Variants in RGS22 observed in about 807,000 individuals in gnomAD.
RGS22 encodes the protein regulator of G-protein signaling 22.
Under a neutral mutation model 172.9 loss-of-function variants are expected in RGS22, and 148 were observed. The ratio of observed to expected loss-of-function variants is 0.86; its 90% CI spans 0.75 to 0.98. The LOEUF (loss-of-function observed/expected upper bound fraction) is 0.98. Among genes scored for constraint, RGS22 ranks in the 50% least tolerant of loss-of-function variants. RGS22 has a pLI of 0.00. For missense variants in RGS22, 1,347 were observed against 1,440.8 expected, an observed-to-expected ratio of 0.93 and a Z score of 1.05; for synonymous variants, 458 against 480.2, an observed-to-expected ratio of 0.95 and a Z score of 0.60.
intron 3 of RGS22, among the ~76,000 whole-genome samples, chr8:100,084,107 G>T (rs1028427466): frequency 1.3e-5 from 2 of 152,160 alleles, no homozygotes; most frequent in Admixed American, 6.5e-5. Flanking sequence ...AAAGTGCTGG[G>T]ATTACAGGCG....
chr8:99,980,930 A>C (rs1312633284), intron 22 of RGS22, among the ~76,000 whole-genome samples: 2 of 152,152 alleles, frequency 1.3e-5, no homozygotes, highest in African/African-American at 2.4e-5. Context: ...GTCCTCAATC[A>C]TTCCTCTATA....
intron 20 of RGS22, among the ~76,000 whole-genome samples, chr8:99,987,982 A>C (rs1205462191): frequency 1.3e-5 from 2 of 151,412 alleles, no homozygotes; most frequent in Non-Finnish European, 2.9e-5. Context: ...TACATTATTT[A>C]TTTTATTATT....
At position 100,041,825 on chromosome 8, in the gene RGS22, A is replaced by G; in HGVS notation, c.1915T>C (p.Tyr639His). 6.2e-7 allele frequency: 1 copy of G among 1,610,248 alleles called. No homozygotes were observed. The stretch of plus-strand genomic sequence containing the variant: ...ACCCTAGGTTCTTCTGTATAAGCGT[A>G]TCTTCTATCCAGCTGGGGCTTGAGA... ...ECLKPQLDRR[Y>H]AYTEEPRVKT... is the part of the protein sequence containing the mutation. The change falls in exon 12 of 28, where the codon TAC becomes CAC. Residue 639 changes from tyrosine (Y) to histidine (H), a missense_variant. By Grantham distance (83) the Tyr-to-His change is moderately conservative. Coordinates refer to ENST00000360863, the MANE Select transcript of RGS22 (RefSeq NM_015668.5).
intron 2 of RGS22, among the ~76,000 whole-genome samples, chr8:100,104,795 A>T (rs1813792573): frequency 1.3e-5 from 2 of 152,236 alleles, no homozygotes; most frequent in East Asian, 3.8e-4. Context: ...AGGCTCTGAC[A>T]GCTCCTATTT....
chr8:100,003,588 T>C (rs1464876541), intron 17 of RGS22, among the ~76,000 whole-genome samples: 1 of 151,892 alleles, frequency 6.6e-6, no homozygotes, highest in Non-Finnish European at 1.5e-5. Context: ...AAAGGACACA[T>C]TCCAGAAACA....
At position 100,018,434 on chromosome 8, in the gene RGS22, ACAC is replaced by A. The variant is rs1817248147; in HGVS notation, c.2167-9868_2167-9866del. On this transcript the variant is annotated intron_variant, in intron 14 of 27. Transcript: ENST00000360863. ...AAAAAATTAGAATAAATGAAGACAC[ACAC>A]ACACACACACAAAAGAGGGTAGGGG... is the stretch of plus-strand genomic sequence containing the variant. Among the ~76,000 whole-genome samples the A allele has an allele frequency of 2.0e-4, 5 of 24,904 alleles. No homozygotes were observed. In the Admixed American group the frequency reaches 2.6e-3, roughly 13 times the overall value. The allele number at this position is 24,904 out of a possible 152,430, so 16.3% of individuals were successfully genotyped here.
chr8:100,088,878 TAGTC>T (rs1160007777), intron 3 of RGS22, among the ~76,000 whole-genome samples: 3 of 149,870 alleles, frequency 2.0e-5, no homozygotes, highest in African/African-American at 7.4e-5. Context: ...AAGGGCCCTA[TAGTC>T]TATATCTACA....
chr8:100,076,458 T>G (rs1479291746), intron 4 of RGS22, among the ~76,000 whole-genome samples: 1 of 152,230 alleles, frequency 6.6e-6, no homozygotes, highest in Non-Finnish European at 1.5e-5. Flanking sequence ...TTGGCATCAG[T>G]GTAATGCTCA....
intron 14 of RGS22, among the ~76,000 whole-genome samples, chr8:100,019,018 C>T (rs1020695441): frequency 6.6e-6 from 1 of 151,236 alleles, no homozygotes; most frequent in Non-Finnish European, 1.5e-5. Context: ...ATGTTTTCCA[C>T]AACTGTCTGT....
chr8:100,037,213 G>C (rs1367882032), intron 14 of RGS22, among the ~76,000 whole-genome samples: 1 of 152,132 alleles, frequency 6.6e-6, no homozygotes, highest in Non-Finnish European at 1.5e-5. Context: ...AGGATCACTT[G>C]AGCCCAGGAG....
Position 100,038,928 on chromosome 8 carries a change from T to G in RGS22, c.2166+3A>C, listed in dbSNP as rs1819798485. ...CATTGAACCAATATTATTTACTACG[T>G]ACTTGCGCTTGCTTGCATACTTTAA... is the stretch of plus-strand genomic sequence containing the variant. On this transcript the variant is annotated splice_donor_region_variant and intron_variant, in intron 14 of 27. Coordinates refer to ENST00000360863, the MANE Select transcript of RGS22 (RefSeq NM_015668.5). 1 of 1,592,724 alleles carries G rather than the reference T, an allele frequency of 6.3e-7. No homozygotes were observed. The highest frequency in any genetic ancestry group is 8.6e-7 in the Non-Finnish European group (1 of 1,162,278).
chr8:99,995,479 A>G (rs1284281590), intron 20 of RGS22, among the ~76,000 whole-genome samples: 1 of 152,258 alleles, frequency 6.6e-6, no homozygotes, highest in African/African-American at 2.4e-5. Context: ...TCTCAAAACA[A>G]GACATCTATG....
chr8:100,031,404 T>C (rs1818786832), intron 14 of RGS22, among the ~76,000 whole-genome samples: 1 of 152,174 alleles, frequency 6.6e-6, no homozygotes, highest in Non-Finnish European at 1.5e-5. Context: ...TTATATTAAA[T>C]AGCACTTTGT....
chr8:100,016,978 CTTTTTTTTTTTTTTTTTTTT>C lies in RGS22; in HGVS notation c.2167-8429_2167-8410del, dbSNP rs71274949. On this transcript the variant is annotated intron_variant, in intron 14 of 27. Coordinates refer to ENST00000360863, the MANE Select transcript of RGS22 (RefSeq NM_015668.5). Reference sequence around the variant, plus strand: ...CCTACATCCCTGATTCCTTACCAGTCTTTTTTTTTTTTTTTTTTTTTTTTTTTTTTTTTTTTTTAAACAGG... The same window carrying C: ...CCTACATCCCTGATTCCTTACCAGTCTTTTTTTTTTTTTTTTTTAAACAGG... Among the ~76,000 whole-genome samples, 39 of 36,132 alleles carry C rather than the reference CTTTTTTTTTTTTTTTTTTTT, an allele frequency of 1.1e-3. 1 individual carries two copies. The highest frequency in any genetic ancestry group is 8.0e-3 in the South Asian group (7 of 880). 23.7% of individuals were successfully genotyped at this position (36,132 alleles called of 152,430 possible).
intron 20 of RGS22, among the ~76,000 whole-genome samples, chr8:99,993,842 C>T (rs539740786): frequency 5.3e-4 from 81 of 152,172 alleles, no homozygotes; most frequent in African/African-American, 1.9e-3. Context: ...ATATCCCCGA[C>T]AAACATCGAT....
At chr8:100,048,380 G>A (rs1375849184) in intron 10 of RGS22, among the ~76,000 whole-genome samples, 1 of 152,070 alleles carries the variant, frequency 6.6e-6, no homozygotes, top group Non-Finnish European at 1.5e-5. Flanking sequence ...CTGGAAGTAG[G>A]TAAGATCAGA....
chr8:100,090,919 G>A (rs1213483194), intron 3 of RGS22, among the ~76,000 whole-genome samples: 1 of 152,096 alleles, frequency 6.6e-6, no homozygotes, highest in East Asian at 1.9e-4. Flanking sequence ...GTTTTGAACA[G>A]AGCAGGAAGT....
At chr8:100,029,489 G>A (rs963793056) in intron 14 of RGS22, among the ~76,000 whole-genome samples, 2 of 152,024 alleles carry the variant, frequency 1.3e-5, no homozygotes, top group Non-Finnish European at 2.9e-5. Flanking sequence ...ATCATCTGAG[G>A]TCAGGAGTTC....
chr8:100,086,730 A>G (rs1812191772), intron 3 of RGS22, among the ~76,000 whole-genome samples: 2 of 152,128 alleles, frequency 1.3e-5, no homozygotes, highest in South Asian at 4.1e-4. Context: ...GAAAAAAGAA[A>G]GATAAGCAAC....
Sources: gnomAD v4.1 joint callset for allele counts (sites outside exome capture counted in the v4.1 genomes callset) on GRCh38, gnomAD v4.1.1 for gene constraint, MANE v1.5 for transcripts, NCBI Gene and HGNC (gene_info 2026-07-23, HGNC 2026-07-21) for gene names.